The following ELF2 variants were observed in gnomAD, a reference collection of about 807,000 sequenced individuals.
ELF2 encodes the protein ETS-related transcription factor Elf-2.
A neutral mutation model predicts 54.8 loss-of-function variants in ELF2; 11 were observed. The observed-to-expected ratio is 0.20, with a 90% confidence interval of 0.13 to 0.33. The LOEUF (loss-of-function observed/expected upper bound fraction) is 0.33, where lower values mean the gene tolerates loss of function less well. Ranked by LOEUF, ELF2 falls within the 10% of genes least tolerant of loss-of-function variation. The pLI is 1.00. For synonymous variants in ELF2, 203 were observed against 245.1 expected (o/e 0.83, Z 1.61); for missense variants, 513 against 703.0 (o/e 0.73, Z 3.06).
At chr4:139,073,312 C>G in intron 5 of ELF2, 142 bp downstream of exon 5, 1 of 448,930 alleles carries the variant, frequency 2.2e-6, no homozygotes, top group East Asian at 3.5e-5. Context: ...AAATAAAGTT[C>G]AATTACTGCT....
chr4:139,119,830 A>G (rs1339373712), intron 4 of ELF2, among the ~76,000 whole-genome samples: 1 of 152,108 alleles, frequency 6.6e-6, no homozygotes, highest in East Asian at 1.9e-4. Context: ...GCTGGAGTGC[A>G]GTGGCATGAT....
chr4:139,060,247 A>G, intron 9 of ELF2, 77 bp downstream of exon 9: 2 of 1,330,156 alleles, frequency 1.5e-6, no homozygotes, highest in South Asian at 1.5e-5. Flanking sequence ...AATATTAAGC[A>G]AAAGGACATT....
intron 4 of ELF2, chr4:139,117,737 G>A (rs1490565919): frequency 6.5e-6 from 1 of 153,020 alleles, no homozygotes; most frequent in Non-Finnish European, 1.5e-5. Context: ...AGATCACAAG[G>A]TCAAGAGATC....
chr4:139,158,834 T>C (rs1458410105), intron 1 of ELF2, among the ~76,000 whole-genome samples: 1 of 152,190 alleles, frequency 6.6e-6, no homozygotes, highest in African/African-American at 2.4e-5. Flanking sequence ...GGCTCTATTC[T>C]TGACAGAGTC....
At chr4:139,112,166 A>G (rs1479548725) in intron 4 of ELF2, among the ~76,000 whole-genome samples, 3 of 152,058 alleles carry the variant, frequency 2.0e-5, no homozygotes, top group Non-Finnish European at 4.4e-5. Flanking sequence ...CTCATAATTC[A>G]TATCTAGCCC....
intron 4 of ELF2, among the ~76,000 whole-genome samples, chr4:139,092,467 A>ATAACATAACT (rs1732771187): frequency 6.6e-6 from 1 of 151,228 alleles, no homozygotes; most frequent in South Asian, 2.1e-4. Context: ...ATAACATAAC[A>ATAACATAACT]TAACATAGGG....
rs760365897 is a variant in ELF2, at chr4:139,067,727, C to A, written c.570G>T (p.Gly190=). 6.2e-7 allele frequency: 1 copy of A among 1,607,976 alleles called. No homozygotes were observed. The highest frequency in any genetic ancestry group is 8.5e-7 in the Non-Finnish European group (1 of 1,175,670). Residue 190 remains glycine, a synonymous_variant, in exon 7 of 10, where the codon GGG becomes GGT. Transcript: ENST00000686138. ...PKTQQSPISN[G]SPELGIKKKP... is the part of the protein sequence containing the mutation. ...TCTTCTTTATACCTAACTCAGGAGA[C>A]CCATTGGAAATTGGTGATTGCTGGG... is the stretch of plus-strand genomic sequence containing the variant.
chr4:139,147,672 C>T (rs1398024372), intron 1 of ELF2, among the ~76,000 whole-genome samples: 1 of 151,384 alleles, frequency 6.6e-6, no homozygotes, highest in East Asian at 1.9e-4. Flanking sequence ...GACGGGGTTT[C>T]ACCATCTTGA....
At chr4:139,084,421 A>C in intron 4 of ELF2, 1 of 1,276,068 alleles carries the variant, frequency 7.8e-7, no homozygotes, top group South Asian at 2.2e-5. Context: ...CGGCAGGGGC[A>C]GGGGCGGCAG....
intron 4 of ELF2, among the ~76,000 whole-genome samples, chr4:139,094,263 T>C (rs1352719567): frequency 1.3e-5 from 2 of 152,166 alleles, no homozygotes; most frequent in Non-Finnish European, 2.9e-5. Flanking sequence ...GGCTGAGTTG[T>C]CCTAGCTAAG....
chr4:139,092,374 T>G, intron 4 of ELF2, among the ~76,000 whole-genome samples: 1 of 65,208 alleles, frequency 1.5e-5, no homozygotes, highest in African/African-American at 5.9e-5. Context: ...AATCATAACG[T>G]AACATAACAT....
chr4:139,152,888 A>G (rs1401528799), intron 1 of ELF2, among the ~76,000 whole-genome samples: 1 of 134,522 alleles, frequency 7.4e-6, no homozygotes, highest in African/African-American at 2.9e-5. Flanking sequence ...CAATAGTGTC[A>G]TACTTTTTTT....
chr4:139,133,212 C>T (rs560384063), intron 3 of ELF2, among the ~76,000 whole-genome samples: 5 of 152,282 alleles, frequency 3.3e-5, no homozygotes, highest in Admixed American at 1.3e-4. Flanking sequence ...TGAGCCACCA[C>T]GCCCAGCCTA....
chr4:139,145,213 G>C (rs1275355276), intron 1 of ELF2, among the ~76,000 whole-genome samples: 2 of 152,252 alleles, frequency 1.3e-5, no homozygotes, highest in African/African-American at 4.8e-5. Context: ...CACATGACCA[G>C]TTTATTAATA....
intron 1 of ELF2, among the ~76,000 whole-genome samples, chr4:139,159,173 C>CA (rs1740848760): frequency 6.6e-6 from 1 of 152,116 alleles, no homozygotes; most frequent in Non-Finnish European, 1.5e-5. Context: ...GTCAATTTGC[C>CA]AGTCCTGGGC....
At chr4:139,169,434 T>A (rs1742046076) in intron 1 of ELF2, among the ~76,000 whole-genome samples, 1 of 149,930 alleles carries the variant, frequency 6.7e-6, no homozygotes, top group South Asian at 2.1e-4. Context: ...CACAAAAAAA[T>A]ACTTCTGCAA....
At position 139,085,806 on chromosome 4, in the gene ELF2, G is replaced by A. The variant is rs146550985; in HGVS notation, c.239-12239C>T. On this transcript the variant is annotated intron_variant, in intron 4 of 9. Transcript: ENST00000686138. ...TCATCCTTAGCTGGGCATTGTGGTG[G>A]GCCTGTGCACCTAGCGACTCAAGTC... 1.7e-3 allele frequency among the ~76,000 whole-genome samples: 254 copies of A among 152,220 alleles called. 1 individual carries two copies. The South Asian group carries it at 0.021, about 12-fold the overall frequency.
chr4:139,111,434 G>A (rs1734934450), intron 4 of ELF2, among the ~76,000 whole-genome samples: 1 of 150,228 alleles, frequency 6.7e-6, no homozygotes, highest in African/African-American at 2.5e-5. Flanking sequence ...ATGCAACCTT[G>A]AACTCCTGGG....
chr4:139,067,646 A>G, intron 7 of ELF2, 38 bp downstream of exon 7: 1 of 1,603,264 alleles, frequency 6.2e-7, no homozygotes, highest in African/African-American at 1.3e-5. Context: ...AACTGAAAAA[A>G]AATCATCTCA....
Sources: gnomAD v4.1 joint callset for allele counts (sites outside exome capture counted in the v4.1 genomes callset) on GRCh38, gnomAD v4.1.1 for gene constraint, MANE v1.5 for transcripts, NCBI Gene and HGNC (gene_info 2026-07-23, HGNC 2026-07-21) for gene names.